CCDC178: variants seen among roughly 807,000 people sequenced by gnomAD.
CCDC178 encodes coiled-coil domain containing 178.
Under a neutral mutation model 117.4 loss-of-function variants are expected in CCDC178, and 126 were observed. That is an observed-to-expected ratio of 1.07 (90% confidence interval 0.93 to 1.24). CCDC178 has a LOEUF of 1.24. CCDC178 is among the 50% of genes most tolerant of loss of function. The pLI is 0.00. For missense variants in CCDC178, 1,030 were observed against 986.9 expected, an observed-to-expected ratio of 1.04 and a Z score of -0.59; for synonymous variants, 283 against 313.4, an observed-to-expected ratio of 0.90 and a Z score of 1.02.
chr18:33,296,194 T>C (rs1237272446), intron 11 of CCDC178, among the ~76,000 whole-genome samples: 2 of 152,206 alleles, frequency 1.3e-5, no homozygotes, highest in Admixed American at 1.3e-4. Context: ...AAAAGTTAAA[T>C]GTTATAGGGT....
intron 20 of CCDC178, among the ~76,000 whole-genome samples, chr18:33,198,502 C>T (rs988071207): frequency 6.6e-6 from 1 of 152,082 alleles, no homozygotes; most frequent in Non-Finnish European, 1.5e-5. Flanking sequence ...TAAGAACTCT[C>T]AAGTAAAATT....
chr18:33,095,597 A>G (rs2145084042), intron 20 of CCDC178, among the ~76,000 whole-genome samples: 2 of 152,144 alleles, frequency 1.3e-5, no homozygotes, highest in South Asian at 4.1e-4. Context: ...CGTTTTCAGT[A>G]AATGAATAAA....
intron 22 of CCDC178, among the ~76,000 whole-genome samples, chr18:32,951,944 AC>A (rs1481655413): frequency 6.6e-6 from 1 of 152,186 alleles, no homozygotes; most frequent in Non-Finnish European, 1.5e-5. Context: ...CAGTCATTAA[AC>A]CTTAAAGTTT....
chr18:33,266,489 G>T (rs143836106), intron 14 of CCDC178, among the ~76,000 whole-genome samples: 17 of 151,722 alleles, frequency 1.1e-4, no homozygotes, highest in African/African-American at 4.1e-4. Flanking sequence ...AAAGAGGTAA[G>T]ATAAGGCTGT....
intron 14 of CCDC178, among the ~76,000 whole-genome samples, chr18:33,257,871 G>T (rs2059698762): frequency 6.6e-6 from 1 of 151,960 alleles, no homozygotes; most frequent in South Asian, 2.1e-4. Flanking sequence ...ATAAGAATCT[G>T]AAATTTAATA....
chr18:33,117,821 A>G (rs1003481724), intron 20 of CCDC178, among the ~76,000 whole-genome samples: 1 of 152,046 alleles, frequency 6.6e-6, no homozygotes, highest in Non-Finnish European at 1.5e-5. Context: ...GGGTGACCCA[A>G]ACCCTCATTC....
At chr18:33,405,881 A>G (rs2063773195) in intron 3 of CCDC178, among the ~76,000 whole-genome samples, 1 of 152,122 alleles carries the variant, frequency 6.6e-6, no homozygotes, top group East Asian at 1.9e-4. Flanking sequence ...ATACAGTACT[A>G]GTACCAAAAA....
Position 33,356,459 on chromosome 18 carries a change from T to C in CCDC178, c.349-113A>G, listed in dbSNP as rs572895524. The C allele has an allele frequency of 2.1e-5, 23 of 1,096,478 alleles. No homozygotes were observed. In the African/African-American group the frequency reaches 3.6e-4, roughly 17 times the overall value. 67.9% of individuals were successfully genotyped at this position (1,096,478 alleles called of 1,614,324 possible). Reference sequence around the variant, plus strand: ...CTTTACATATCTCTACTTCATTATATTTTTGTGTACTTATACTCTCGGTTG... The same window carrying C: ...CTTTACATATCTCTACTTCATTATACTTTTGTGTACTTATACTCTCGGTTG... On this transcript the variant is annotated intron_variant, in intron 6 of 22. Transcript: ENST00000383096.
intron 11 of CCDC178, among the ~76,000 whole-genome samples, chr18:33,303,902 G>A (rs2062214285): frequency 6.6e-6 from 1 of 152,088 alleles, no homozygotes; most frequent in Non-Finnish European, 1.5e-5. Flanking sequence ...GAGAGAGGGA[G>A]GAAAGCTTGA....
intron 11 of CCDC178, among the ~76,000 whole-genome samples, chr18:33,301,547 G>A (rs2062176694): frequency 6.6e-6 from 1 of 152,206 alleles, no homozygotes; most frequent in Non-Finnish European, 1.5e-5. Context: ...GAGAATAGCT[G>A]CACCTTGCAA....
intron 20 of CCDC178, among the ~76,000 whole-genome samples, chr18:33,107,983 A>G (rs574475420): frequency 1.3e-5 from 2 of 151,852 alleles, no homozygotes; most frequent in East Asian, 3.9e-4. Context: ...GGGCAACTGC[A>G]TATGCAGTGG....
chr18:32,973,286 G>C (rs2054966461), intron 22 of CCDC178, among the ~76,000 whole-genome samples: 1 of 151,998 alleles, frequency 6.6e-6, no homozygotes, highest in Non-Finnish European at 1.5e-5. Flanking sequence ...CAAAAATATA[G>C]ATTTTTCTAA....
intron 8 of CCDC178, among the ~76,000 whole-genome samples, chr18:33,348,112 G>T (rs2062921617): frequency 6.6e-6 from 1 of 151,846 alleles, no homozygotes; most frequent in Non-Finnish European, 1.5e-5. Context: ...AATGATTAAG[G>T]TCCTCGTTTT....
chr18:33,203,063 C>T (rs548944726), intron 20 of CCDC178, among the ~76,000 whole-genome samples: 7 of 152,216 alleles, frequency 4.6e-5, no homozygotes, highest in East Asian at 1.9e-4. Flanking sequence ...ATTTCCAATG[C>T]GGCTATTGTA....
rs903184628 is a variant in CCDC178, at chr18:33,406,294, AG to A, written c.58+5736del. Among the ~76,000 whole-genome samples the A allele has an allele frequency of 2.2e-3, 334 of 152,212 alleles. 3 individuals are homozygous for A. The highest frequency in any genetic ancestry group is 7.6e-3 in the African/African-American group (315 of 41,572). On this transcript the variant is annotated intron_variant, in intron 3 of 22. Coordinates refer to ENST00000383096, the MANE Select transcript of CCDC178 (RefSeq NM_001105528.4). ...ATACATCACACAAAGTGATTCAGAA[AG>A]TTTTAATTTAAGTGATGGGCAGAAA...
At chr18:33,330,616 G>C (rs768879104) in intron 10 of CCDC178, among the ~76,000 whole-genome samples, 1 of 152,252 alleles carries the variant, frequency 6.6e-6, no homozygotes, top group Middle Eastern at 3.4e-3. Context: ...CAATCAATAG[G>C]AGCGAGGAAG....
intron 20 of CCDC178, among the ~76,000 whole-genome samples, chr18:33,155,522 G>C (rs1042923832): frequency 8.5e-5 from 13 of 152,158 alleles, no homozygotes; most frequent in African/African-American, 3.1e-4. Flanking sequence ...ATTAAAAACA[G>C]AGAGTAATCA....
At chr18:33,332,545 C>G (rs12605288) in intron 10 of CCDC178, among the ~76,000 whole-genome samples, 1 of 151,024 alleles carries the variant, frequency 6.6e-6, no homozygotes, top group Non-Finnish European at 1.5e-5. Flanking sequence ...TAAAAAAAAA[C>G]CCCACAATTT....
At chr18:33,134,244 T>C (rs996899949) in intron 20 of CCDC178, among the ~76,000 whole-genome samples, 3 of 151,994 alleles carry the variant, frequency 2.0e-5, no homozygotes, top group African/African-American at 7.2e-5. Context: ...AAAATATTCA[T>C]ATTATGCTTA....
Sources: allele counts gnomAD v4.1 joint callset (sites outside exome capture counted in the v4.1 genomes callset), GRCh38; gene constraint gnomAD v4.1.1; transcripts MANE v1.5; gene names NCBI Gene and HGNC (gene_info 2026-07-23, HGNC 2026-07-21).